CYLD: variants seen among roughly 807,000 people sequenced by gnomAD.
CYLD encodes ubiquitin carboxyl-terminal hydrolase CYLD.
A neutral mutation model predicts 104.5 loss-of-function variants in CYLD; 26 were observed. The observed-to-expected ratio is 0.25, with a 90% CI of 0.18 to 0.35. The LOEUF is 0.35. Ranked by LOEUF, CYLD falls within the 10% of genes least tolerant of loss-of-function variation. The probability of loss-of-function intolerance (pLI) is 1.00; values close to 1 mark genes in which losing one functional copy is unlikely to be tolerated. For synonymous variants in CYLD, 385 were observed against 399.9 expected (o/e 0.96, Z 0.45); for missense variants, 703 against 1,136.1 (o/e 0.62, Z 5.48).
intron 7 of CYLD, 138 bp downstream of exon 7, chr16:50,776,415 A>G: frequency 1.4e-6 from 1 of 714,484 alleles, no homozygotes; most frequent in Non-Finnish European, 2.4e-6. Flanking sequence ...TAGTGAAACT[A>G]AAGTTTGTAT....
intron 5 of CYLD, among the ~76,000 whole-genome samples, chr16:50,764,895 T>A (rs1398165956): frequency 6.6e-6 from 1 of 152,244 alleles, no homozygotes; most frequent in African/African-American, 2.4e-5. Flanking sequence ...TGAGACACTG[T>A]GTCCTAAGCA....
Position 50,797,920 on chromosome 16 carries a change from T to C in CYLD, c.*1412T>C, listed in dbSNP as rs1432685606. 8.6e-6 allele frequency: 2 copies of C among 232,090 alleles called. No homozygotes were observed. The highest frequency in any genetic ancestry group is 5.6e-5 in the Admixed American group (1 of 17,744). 14.4% of individuals were successfully genotyped at this position (232,090 alleles called of 1,614,324 possible). On this transcript the variant is annotated 3_prime_UTR_variant, in exon 19 of 19. Coordinates refer to ENST00000427738, the MANE Select transcript of CYLD (RefSeq NM_001378743.1). ...TAAGGTACAAAAACTCATCTTGTAA[T>C]ATTTTCATTTTTGAAGTGAAAAAGT...
intron 5 of CYLD, among the ~76,000 whole-genome samples, chr16:50,773,670 C>A (rs555814612): frequency 1.3e-5 from 2 of 152,056 alleles, no homozygotes; most frequent in Non-Finnish European, 2.9e-5. Flanking sequence ...GCTTTCCATC[C>A]CATATTTATC....
rs537111724 is a variant in CYLD at position 50,751,892 on chromosome 16, G to C, written c.793G>C (p.Val265Leu). Residue 265 changes from valine to leucine, a missense_variant, in exon 4 of 19, where the codon GTT becomes CTT. By Grantham distance (32) the Val-to-Leu change is conservative (BLOSUM62 1). Around this residue, in one of 5 missense-constraint regions of CYLD, gnomAD observed 123 missense variants for 213.3 expected, o/e 0.58. Transcript: ENST00000427738. ...LPGKESLGYF[V>L]GVDMDNPIGN... ...AGGAAAAGAAAGCTTAGGATATTTT[G>C]TTGGTGTGGACATGGTAAGAAAATT... 2 of 1,610,114 alleles carry C rather than the reference G, an allele frequency of 1.2e-6. No individual in the cohort carries two copies. Among genetic ancestry groups the C allele is most frequent in the South Asian group, 2.2e-5 (2 of 90,868 alleles).
chr16:50,753,849 T>A (rs1966813913), intron 4 of CYLD, among the ~76,000 whole-genome samples: 1 of 152,226 alleles, frequency 6.6e-6, no homozygotes, highest in Non-Finnish European at 1.5e-5. Context: ...ACTTTTTATG[T>A]ACAGAAAGGC....
intron 5 of CYLD, among the ~76,000 whole-genome samples, chr16:50,760,837 C>T (rs780803943): frequency 6.6e-6 from 1 of 152,060 alleles, no homozygotes; most frequent in African/African-American, 2.4e-5. Context: ...GATGAAAGGG[C>T]GTATGCGTTG....
Position 50,794,083 on chromosome 16 carries a change from A to C in CYLD, c.2470-129A>C, listed in dbSNP as rs1971724491. On this transcript the variant is annotated intron_variant, in intron 17 of 18. Transcript: ENST00000427738. This position sits in a 1 kb window ranked among gnomAD's most constrained non-coding sequence, Gnocchi z 4.1. ...GCTGGGACTGCAGGCGCCTGCCACC[A>C]CGCCCAGCTAATTTTTGTATTTTTA... 2 of 820,272 alleles carry C rather than the reference A, an allele frequency of 2.4e-6. No individual in the cohort carries two copies. Among genetic ancestry groups the C allele is most frequent in the Non-Finnish European group, 4.0e-6 (2 of 495,454 alleles). The allele number at this position is 820,272 out of a possible 1,614,324, so 50.8% of individuals were successfully genotyped here. A position where few individuals can be genotyped will look rare whatever the true frequency, so the allele number is the denominator to read the frequency against.
intron 5 of CYLD, among the ~76,000 whole-genome samples, chr16:50,757,638 G>A (rs755055849): frequency 2.6e-5 from 4 of 151,938 alleles, no homozygotes; most frequent in African/African-American, 7.3e-5. Context: ...CTGGGTCCAC[G>A]CCATTCTCCT....
rs951524972 is a variant in CYLD, at chr16:50,794,604, G to C, written c.2686+176G>C. 1.2e-5 allele frequency: 8 copies of C among 677,918 alleles called. No individual in the cohort carries two copies. Among genetic ancestry groups the C allele is most frequent in the African/African-American group, 1.9e-5 (1 of 52,256 alleles). The allele number at this position is 677,918 out of a possible 1,614,324, so 42.0% of individuals were successfully genotyped here. Reference sequence around the variant, plus strand: ...TTAACAACCTTGCTAGCTGAACTAAGGAATAATATGCTGTGTTTTTTTTTT... The same window carrying C: ...TTAACAACCTTGCTAGCTGAACTAACGAATAATATGCTGTGTTTTTTTTTT... On this transcript the variant is annotated intron_variant, in intron 18 of 18. Coordinates refer to ENST00000427738, the MANE Select transcript of CYLD (RefSeq NM_001378743.1). This position sits in a 1 kb window ranked among gnomAD's most constrained non-coding sequence, Gnocchi z 4.1.
intron 7 of CYLD, 52 bp from the exon 8 acceptor site, chr16:50,777,773 T>C: frequency 1.0e-6 from 1 of 953,596 alleles, no homozygotes; most frequent in Admixed American, 1.8e-5. Flanking sequence ...AAAAAAAAAC[T>C]TTGATGCTAT....
At chr16:50,774,763 A>C (rs577524603) in intron 5 of CYLD, among the ~76,000 whole-genome samples, 119 of 152,322 alleles carry the variant, frequency 7.8e-4, no homozygotes, top group African/African-American at 2.8e-3. Context: ...CTGTTTCTGC[A>C]ATTTTTTATT....
At chr16:50,776,021 CT>C in intron 6 of CYLD, 157 bp from the exon 7 acceptor site, 2 of 650,192 alleles carry the variant, frequency 3.1e-6, no homozygotes, top group Non-Finnish European at 2.7e-6. Context: ...ATAGTATTAT[CT>C]TTTTCAATAC....
chr16:50,750,236 G>T, intron 3 of CYLD, 34 bp downstream of exon 3: 1 of 1,611,446 alleles, frequency 6.2e-7, no homozygotes, highest in Admixed American at 1.7e-5. Context: ...TAGTGTGTTT[G>T]TTTGTGTTCA....
Position 50,801,472 on chromosome 16 carries a change from C to G in CYLD, c.*4964C>G. ...CAGCTTCAGATAAAATTAGTACTTT[C>G]AAATATTGTCCACTTTAACTTAAAA... is the stretch of plus-strand genomic sequence containing the variant. On this transcript the variant is annotated 3_prime_UTR_variant, in exon 19 of 19. Transcript: ENST00000427738. 1 of 233,864 alleles carries G rather than the reference C, an allele frequency of 4.3e-6. No individual in the cohort carries two copies. The highest frequency in any genetic ancestry group is 6.0e-5 in the East Asian group (1 of 16,714). 14.5% of individuals were successfully genotyped at this position (233,864 alleles called of 1,614,324 possible).
At chr16:50,751,990 A>G in intron 4 of CYLD, 84 bp downstream of exon 4, 1 of 105,976 alleles carries the variant, frequency 9.4e-6, no homozygotes, top group Non-Finnish European at 1.4e-5. Context: ...ACATATATAT[A>G]CACACATATA....
intron 4 of CYLD, among the ~76,000 whole-genome samples, chr16:50,752,567 CA>C (rs1253692946): frequency 6.6e-6 from 1 of 152,140 alleles, no homozygotes; most frequent in African/African-American, 2.4e-5. Context: ...AGTGTGCATA[CA>C]GTGGCATTAA....
At chr16:50,755,621 A>G (rs1346742697) in intron 5 of CYLD, among the ~76,000 whole-genome samples, 1 of 152,110 alleles carries the variant, frequency 6.6e-6, no homozygotes, top group Non-Finnish European at 1.5e-5. Flanking sequence ...CATTTCCCTG[A>G]TAATTGATGA....
intron 5 of CYLD, among the ~76,000 whole-genome samples, chr16:50,759,228 C>A (rs560287033): frequency 6.6e-6 from 1 of 151,982 alleles, no homozygotes; most frequent in African/African-American, 2.4e-5. Context: ...GGTGACAGAG[C>A]GAGACTCCAT....
rs191702717 is a variant in CYLD, at chr16:50,784,814, G to A, written c.1949+363G>A. On this transcript the variant is annotated intron_variant, in intron 12 of 18. Coordinates refer to ENST00000427738, the MANE Select transcript of CYLD (RefSeq NM_001378743.1). ...CTGCTACAAGTAATCATGCTTATTAGTTAAATTGGTGTAGTCTAGCTTCTT... is the reference window on the plus strand; with the variant it reads ...CTGCTACAAGTAATCATGCTTATTAATTAAATTGGTGTAGTCTAGCTTCTT... The A allele has an allele frequency of 1.2e-5, 3 of 254,612 alleles. No homozygotes were observed. In the East Asian group the frequency reaches 3.3e-4, roughly 28 times the overall value. The allele number at this position is 254,612 out of a possible 1,614,324, so 15.8% of individuals were successfully genotyped here.
Sources: allele counts gnomAD v4.1 joint callset (sites outside exome capture counted in the v4.1 genomes callset), GRCh38; gene constraint gnomAD v4.1.1; regional missense constraint gnomAD v4.1.1; non-coding constraint Gnocchi (gnomAD v3.1); transcripts MANE v1.5; gene names NCBI Gene and HGNC (gene_info 2026-07-23, HGNC 2026-07-21).